Variants in PPP2R2B observed in about 807,000 individuals in gnomAD.
PPP2R2B encodes protein phosphatase 2 regulatory subunit Bbeta, also known as serine/threonine-protein phosphatase 2A 55 kDa regulatory subunit B beta isoform.
Under a neutral mutation model 46.0 loss-of-function variants are expected in PPP2R2B, and 5 were observed. The observed-to-expected ratio is 0.11, with a 90% CI of 0.06 to 0.23. The LOEUF is 0.23. Ranked by LOEUF, PPP2R2B falls within the 10% of genes least tolerant of loss-of-function variation. The pLI is 1.00. For missense variants in PPP2R2B, 367 were observed against 575.0 expected, an observed-to-expected ratio of 0.64 and a Z score of 3.70; for synonymous variants, 215 against 206.7, an observed-to-expected ratio of 1.04 and a Z score of -0.34.
At position 146,698,018 on chromosome 5, in the gene PPP2R2B, G is replaced by A. The variant is rs780266823; in HGVS notation, c.295C>T (p.Pro99Ser). 3 of 1,612,962 alleles carry A rather than the reference G, an allele frequency of 1.9e-6. No homozygotes were observed. The highest frequency in any genetic ancestry group is 1.3e-5 in the African/African-American group (1 of 74,788). The part of the protein sequence containing the change: ...EEKINKIRWL[P>S]QQNAAYFLLS... ...AGAAAGTAAGCTGCATTCTGCTGGG[G>A]GAGCCATCTTATTTTATTGATTTTT... The change falls in exon 4 of 10, where the codon CCC becomes TCC. Residue 99 changes from proline to serine, a missense_variant. Coordinates refer to ENST00000394411, the MANE Select transcript of PPP2R2B (RefSeq NM_181675.4).
intron 5 of PPP2R2B, among the ~76,000 whole-genome samples, chr5:146,657,995 A>G (rs891564237): frequency 1.3e-5 from 2 of 152,226 alleles, no homozygotes; most frequent in Non-Finnish European, 2.9e-5. Context: ...TAAGGCCTTC[A>G]ACAAACATTT....
At chr5:146,952,150 T>G (rs910176418) in intron 1 of PPP2R2B, among the ~76,000 whole-genome samples, 6 of 152,074 alleles carry the variant, frequency 3.9e-5, no homozygotes, top group Non-Finnish European at 8.8e-5. Flanking sequence ...CTTCAATATC[T>G]TCCCATGGGA....
chr5:146,890,214 T>C (rs963137663), intron 1 of PPP2R2B, among the ~76,000 whole-genome samples: 1 of 152,200 alleles, frequency 6.6e-6, no homozygotes, highest in African/African-American at 2.4e-5. Flanking sequence ...CTGGACAAAA[T>C]TGTAAAGTAA....
intron 2 of PPP2R2B, among the ~76,000 whole-genome samples, chr5:146,845,113 CA>C (rs1759904135): frequency 1.3e-5 from 2 of 152,192 alleles, no homozygotes; most frequent in South Asian, 4.1e-4. Context: ...GGCTCTTGGA[CA>C]TGCTGTTTCT....
chr5:146,948,132 T>C (rs1335862087), intron 1 of PPP2R2B, among the ~76,000 whole-genome samples: 2 of 151,978 alleles, frequency 1.3e-5, no homozygotes, highest in African/African-American at 4.8e-5. Context: ...TTTATGCAAA[T>C]ACTTTTTGAG....
chr5:147,015,262 C>T (rs1469875344), intron 1 of PPP2R2B, among the ~76,000 whole-genome samples: 1 of 150,682 alleles, frequency 6.6e-6, no homozygotes, highest in Admixed American at 6.7e-5. Flanking sequence ...ATATCATTGC[C>T]CTGTTTTAAA....
At chr5:146,649,752 C>A (rs1389084103) in intron 6 of PPP2R2B, among the ~76,000 whole-genome samples, 1 of 152,102 alleles carries the variant, frequency 6.6e-6, no homozygotes, top group East Asian at 1.9e-4. Context: ...GGCCAGCCGA[C>A]TTTTCTATAT....
intron 2 of PPP2R2B, among the ~76,000 whole-genome samples, chr5:147,074,709 G>A (rs904304131): frequency 6.6e-6 from 1 of 152,120 alleles, no homozygotes; most frequent in Non-Finnish European, 1.5e-5. Context: ...TACTGCAAAT[G>A]TTATAGTTAG....
chr5:146,715,469 T>C (rs1422192477), intron 2 of PPP2R2B, among the ~76,000 whole-genome samples: 1 of 152,146 alleles, frequency 6.6e-6, no homozygotes, highest in African/African-American at 2.4e-5. Flanking sequence ...AGGCACGGCG[T>C]TCGACCCTCT....
At chr5:146,694,767 CTAGA>C (rs1465870972) in intron 4 of PPP2R2B, among the ~76,000 whole-genome samples, 3 of 151,976 alleles carry the variant, frequency 2.0e-5, no homozygotes, top group East Asian at 3.9e-4. Context: ...CTTAATTCCA[CTAGA>C]TAGAGATACC....
chr5:146,837,473 A>G (rs1759355885), intron 2 of PPP2R2B, among the ~76,000 whole-genome samples: 1 of 152,252 alleles, frequency 6.6e-6, no homozygotes, highest in African/African-American at 2.4e-5. Context: ...TGGGAGAAGA[A>G]AGTGATGTGG....
intron 1 of PPP2R2B, among the ~76,000 whole-genome samples, chr5:146,952,159 G>T (rs1751644885): frequency 6.6e-6 from 1 of 151,888 alleles, no homozygotes; most frequent in Non-Finnish European, 1.5e-5. Context: ...CTTCCCATGG[G>T]AGTAAAGGAA....
At chr5:146,671,164 A>G (rs777752492) in intron 5 of PPP2R2B, among the ~76,000 whole-genome samples, 1 of 152,236 alleles carries the variant, frequency 6.6e-6, no homozygotes, top group Admixed American at 6.5e-5. Context: ...TGTGTCTTAC[A>G]TCAACAGAAA....
At chr5:146,716,739 T>G (rs918619672) in intron 2 of PPP2R2B, among the ~76,000 whole-genome samples, 1 of 152,158 alleles carries the variant, frequency 6.6e-6, no homozygotes, top group Non-Finnish European at 1.5e-5. Flanking sequence ...AACACCCAGT[T>G]GAAAATTATT....
intron 2 of PPP2R2B, among the ~76,000 whole-genome samples, chr5:146,808,209 G>A (rs901327181): frequency 1.3e-5 from 2 of 152,080 alleles, no homozygotes; most frequent in Non-Finnish European, 2.9e-5. Context: ...GGGTTAATCA[G>A]TAGCCACATA....
In PPP2R2B at chr5:146,634,024, G is replaced by A. The variant is rs374397522; in HGVS notation, c.790+4227C>T. ...CCTTAGACAGTGTGGTTAATGTTAT[G>A]TATTAGCTTGACTGAGCCATGGGCT... On this transcript the variant is annotated intron_variant, in intron 7 of 9. Transcript: ENST00000394411. Among the ~76,000 whole-genome samples, 8 of 152,288 alleles carry A rather than the reference G, an allele frequency of 5.3e-5. No homozygotes were observed. In the South Asian group the frequency reaches 6.2e-4, roughly 12 times the overall value.
intron 1 of PPP2R2B, among the ~76,000 whole-genome samples, chr5:147,053,154 C>T (rs1756910524): frequency 6.6e-6 from 1 of 151,266 alleles, no homozygotes; most frequent in Non-Finnish European, 1.5e-5. Context: ...AATAAGTTCT[C>T]AATATCTCTC....
intron 7 of PPP2R2B, among the ~76,000 whole-genome samples, chr5:146,615,499 T>TAAAAAAAAAAAA (rs1773068741): frequency 2.4e-5 from 1 of 41,046 alleles, no homozygotes; most frequent in Non-Finnish European, 4.8e-5. Context: ...ACTTAGAGTA[T>TAAAAAAAAAAAA]AATAAAAAAA....
intron 2 of PPP2R2B, among the ~76,000 whole-genome samples, chr5:146,826,106 T>C (rs1431580889): frequency 6.6e-6 from 1 of 152,204 alleles, no homozygotes; most frequent in East Asian, 1.9e-4. Flanking sequence ...ATCTCTAGGC[T>C]CATCATCATT....
Sources: allele counts gnomAD v4.1 joint callset (sites outside exome capture counted in the v4.1 genomes callset), GRCh38; gene constraint gnomAD v4.1.1; transcripts MANE v1.5; gene names NCBI Gene and HGNC (gene_info 2026-07-23, HGNC 2026-07-21).